Variants in ANKRD6 observed in about 807,000 individuals in gnomAD.
ANKRD6 encodes ankyrin repeat domain-containing protein 6.
A neutral mutation model predicts 82.3 loss-of-function variants in ANKRD6; 56 were observed. That is an observed-to-expected ratio of 0.68 (90% confidence interval 0.55 to 0.85). The LOEUF is 0.85. ANKRD6 is among the 40% of genes least tolerant of loss of function. The pLI is 0.00. For missense variants in ANKRD6, 852 were observed against 907.6 expected, an observed-to-expected ratio of 0.94 and a Z score of 0.79; for synonymous variants, 347 against 352.1, an observed-to-expected ratio of 0.99 and a Z score of 0.16.
chr6:89,599,394 A>G, intron 3 of ANKRD6, among the ~76,000 whole-genome samples: 1 of 152,208 alleles, frequency 6.6e-6, no homozygotes. Context: ...ATGTTCACCA[A>G]ATAGATAATT....
intron 7 of ANKRD6, among the ~76,000 whole-genome samples, chr6:89,615,732 G>C (rs1401834389): frequency 6.6e-6 from 1 of 151,844 alleles, no homozygotes; most frequent in Admixed American, 6.5e-5. Flanking sequence ...CAGGCGCTTT[G>C]CCTGATCACC....
intron 2 of ANKRD6, among the ~76,000 whole-genome samples, chr6:89,570,512 G>T (rs372337842): frequency 1.3e-5 from 2 of 151,896 alleles, no homozygotes; most frequent in Non-Finnish European, 2.9e-5. Context: ...GAAATTTTTC[G>T]TCTTCCCCAG....
chr6:89,602,755 C>G (rs1051835552), intron 3 of ANKRD6: 4 of 431,706 alleles, frequency 9.3e-6, no homozygotes, highest in African/African-American at 7.9e-5. Flanking sequence ...GCCTGACCCT[C>G]ATTTTGAGGT....
chr6:89,507,759 C>T (rs1277917972), intron 1 of ANKRD6, among the ~76,000 whole-genome samples: 8 of 152,192 alleles, frequency 5.3e-5, no homozygotes, highest in Admixed American at 5.2e-4. Context: ...AGCACATACA[C>T]ATCTAATCCT....
chr6:89,564,791 G>T (rs1788112812), intron 1 of ANKRD6, among the ~76,000 whole-genome samples: 1 of 152,142 alleles, frequency 6.6e-6, no homozygotes, highest in African/African-American at 2.4e-5. Flanking sequence ...AATACCCATT[G>T]CAAGAAAGGT....
At chr6:89,621,388 A>G (rs191051945) in intron 9 of ANKRD6, 61 of 158,364 alleles carry the variant, frequency 3.9e-4, no homozygotes, top group African/African-American at 1.3e-3. Context: ...TGGGGAAGAG[A>G]TAACTGTCCC....
At position 89,631,095 on chromosome 6, in the gene ANKRD6, A is replaced by G; in HGVS notation, c.*91A>G. On this transcript the variant is annotated 3_prime_UTR_variant, in exon 16 of 16. Coordinates refer to ENST00000339746, the MANE Select transcript of ANKRD6 (RefSeq NM_001242809.2). ...ATGCCCAAGGAGTCAACTATTGTAT[A>G]TATTGCAGATTTGCCTTTTTAAAAA... 1 of 1,416,206 alleles carries G rather than the reference A, an allele frequency of 7.1e-7. No individual in the cohort carries two copies. 87.7% of individuals were successfully genotyped at this position (1,416,206 alleles called of 1,614,324 possible).
At chr6:89,564,697 G>A (rs1335287480) in intron 1 of ANKRD6, among the ~76,000 whole-genome samples, 2 of 152,206 alleles carry the variant, frequency 1.3e-5, no homozygotes, top group African/African-American at 2.4e-5. Flanking sequence ...TCTACCCTCA[G>A]GGGCTAAGCC....
intron 15 of ANKRD6, among the ~76,000 whole-genome samples, chr6:89,630,142 T>C (rs1395578176): frequency 1.3e-5 from 2 of 152,162 alleles, no homozygotes; most frequent in Non-Finnish European, 2.9e-5. Context: ...TCAGGTAGAT[T>C]GAGGCGGGCT....
intron 1 of ANKRD6, among the ~76,000 whole-genome samples, chr6:89,566,619 G>A (rs543201130): frequency 6.6e-6 from 1 of 152,362 alleles, no homozygotes; most frequent in Admixed American, 6.5e-5. Flanking sequence ...GATAGGGGAA[G>A]AAGGGAGGGA....
intron 5 of ANKRD6, among the ~76,000 whole-genome samples, chr6:89,607,566 A>C (rs1583699323): frequency 6.6e-6 from 1 of 152,208 alleles, no homozygotes; most frequent in East Asian, 1.9e-4. Context: ...TATCTCTGGG[A>C]ATTGAGGCTA....
intron 2 of ANKRD6, among the ~76,000 whole-genome samples, chr6:89,567,707 C>T (rs1278613399): frequency 6.6e-6 from 1 of 152,232 alleles, no homozygotes; most frequent in Non-Finnish European, 1.5e-5. Context: ...AGTTTAAATA[C>T]ACTGGCAAAG....
intron 4 of ANKRD6, 88 bp downstream of exon 4, chr6:89,603,215 GA>G (rs1797649693): frequency 9.2e-7 from 1 of 1,087,072 alleles, no homozygotes; most frequent in East Asian, 2.6e-5. Flanking sequence ...GGAAACTTTT[GA>G]GTCCTCGAGG....
At chr6:89,514,081 T>G (rs1402790577) in intron 1 of ANKRD6, among the ~76,000 whole-genome samples, 1 of 152,184 alleles carries the variant, frequency 6.6e-6, no homozygotes, top group East Asian at 1.9e-4. Context: ...TAAGCTTTCT[T>G]AAAACATTAT....
chr6:89,560,836 A>G (rs1341068415), intron 1 of ANKRD6: 1 of 152,270 alleles, frequency 6.6e-6, no homozygotes, highest in Non-Finnish European at 1.5e-5. Flanking sequence ...AAAAAAAAAG[A>G]AAAAAGAAAA....
At chr6:89,577,416 C>T (rs927264517) in intron 2 of ANKRD6, among the ~76,000 whole-genome samples, 2 of 152,130 alleles carry the variant, frequency 1.3e-5, no homozygotes, top group African/African-American at 4.8e-5. Flanking sequence ...TATAAATGAA[C>T]ATATTCTCTC....
chr6:89,553,189 C>CT (rs1354679684), intron 1 of ANKRD6, among the ~76,000 whole-genome samples: 1 of 152,138 alleles, frequency 6.6e-6, no homozygotes, highest in Non-Finnish European at 1.5e-5. Flanking sequence ...CAAGAAATGC[C>CT]TCAGTGGCAG....
chr6:89,572,455 A>G (rs1020762130), intron 2 of ANKRD6, among the ~76,000 whole-genome samples: 1 of 152,182 alleles, frequency 6.6e-6, no homozygotes, highest in African/African-American at 2.4e-5. Context: ...GTAGCTTTAC[A>G]GTGGTATCTC....
rs1037859058 is a variant in ANKRD6 at position 89,588,898 on chromosome 6, C to T, written c.121-7018C>T. Among the ~76,000 whole-genome samples the T allele has an allele frequency of 4.0e-4, 59 of 146,224 alleles. 1 individual carries two copies. The highest frequency in any genetic ancestry group is 4.3e-4 in the South Asian group (2 of 4,658). ...TGCACGCCTGTAGTCCCAGCTGAGG[C>T]AGGAGAATCGCTTGAACCCAGGAGG... On this transcript the variant is annotated intron_variant, in intron 2 of 15. Transcript: ENST00000339746.
Sources: gnomAD v4.1 joint callset for allele counts (sites outside exome capture counted in the v4.1 genomes callset) on GRCh38, gnomAD v4.1.1 for gene constraint, MANE v1.5 for transcripts, NCBI Gene and HGNC (gene_info 2026-07-23, HGNC 2026-07-21) for gene names.